Variants in PPFIA4 observed in about 807,000 individuals in gnomAD.
PPFIA4 encodes the protein liprin-alpha-4.
A neutral mutation model predicts 145.7 loss-of-function variants in PPFIA4; 98 were observed. The ratio of observed to expected loss-of-function variants is 0.67; its 90% confidence interval spans 0.57 to 0.80. The LOEUF is 0.80. Ranked by LOEUF, PPFIA4 falls within the 30% of genes least tolerant of loss-of-function variation. PPFIA4 has a pLI of 0.00. For missense variants in PPFIA4, 1,457 were observed against 1,632.7 expected (o/e 0.89, Z 1.85); for synonymous variants, 628 against 649.6 (o/e 0.97, Z 0.51).
chr1:203,056,717 C>T (rs879154074), intron 18 of PPFIA4, 67 bp from the exon 19 acceptor site: 2 of 1,395,734 alleles, frequency 1.4e-6, no homozygotes, highest in Non-Finnish European at 2.0e-6. Context: ...GTCTAACTTC[C>T]ATCTTTCCTG....
Position 203,043,345 on chromosome 1 carries a change from C to T in PPFIA4, c.235-52C>T. The T allele has an allele frequency of 6.7e-7, 1 of 1,498,422 alleles. No individual in the cohort carries two copies. The highest frequency in any genetic ancestry group is 9.1e-7 in the Non-Finnish European group (1 of 1,094,450). The allele number at this position is 1,498,422 out of a possible 1,614,324, so 92.8% of individuals were successfully genotyped here. On this transcript the variant is annotated intron_variant, in intron 2 of 29. Transcript: ENST00000295706. The surrounding 1 kb of genome is among the most constrained non-coding windows in gnomAD (Gnocchi z 4.4). Reference sequence around the variant, plus strand: ...CCACCACTGACTTGCATGTGCAGGACACTGCTTTGGGGGTGAATCCTGAAG... The same window carrying T: ...CCACCACTGACTTGCATGTGCAGGATACTGCTTTGGGGGTGAATCCTGAAG...
In PPFIA4 at chr1:203,055,356, C is replaced by A; in HGVS notation, c.1830-76C>A. ...CGCATGTGGTCCTTGGTGGCGAGTGCAGGCATCGACCCGCACTGCCTCCTG... is the reference window on the plus strand; with the variant it reads ...CGCATGTGGTCCTTGGTGGCGAGTGAAGGCATCGACCCGCACTGCCTCCTG... On this transcript the variant is annotated intron_variant, in intron 15 of 29. Coordinates refer to ENST00000295706, the MANE Select transcript of PPFIA4 (RefSeq NM_001304331.2). The surrounding 1 kb of genome is among the most constrained non-coding windows in gnomAD (Gnocchi z 4.8). 1 of 1,585,920 alleles carries A rather than the reference C, an allele frequency of 6.3e-7. No homozygotes were observed. The highest frequency in any genetic ancestry group is 2.3e-5 in the East Asian group (1 of 44,434).
chr1:203,053,255 G>A (rs967709329), intron 14 of PPFIA4, among the ~76,000 whole-genome samples: 1 of 149,348 alleles, frequency 6.7e-6, no homozygotes, highest in Non-Finnish European at 1.5e-5. Flanking sequence ...GGGGTCAGCC[G>A]GGCACGGTGG....
intron 28 of PPFIA4, among the ~76,000 whole-genome samples, chr1:203,073,993 G>C (rs1374238721): frequency 1.3e-5 from 2 of 152,170 alleles, no homozygotes; most frequent in African/African-American, 2.4e-5. Flanking sequence ...GCACTGCTCA[G>C]AGGTTGGTGA....
chr1:203,043,521 C>T lies in PPFIA4; in HGVS notation c.336+23C>T, dbSNP rs761619519. ...CGGGTAAGTGGGGATGACCTTGTGT[C>T]GCGCGCGCGCACGTGTGTGTGTGTG... On this transcript the variant is annotated intron_variant, in intron 3 of 29. Transcript: ENST00000295706. The surrounding 1 kb of genome is among the most constrained non-coding windows in gnomAD (Gnocchi z 4.4). The T allele has an allele frequency of 2.4e-5, 37 of 1,565,338 alleles. No homozygotes were observed. Among genetic ancestry groups the T allele is most frequent in the South Asian group, 1.9e-4 (17 of 87,302 alleles).
intron 5 of PPFIA4, 95 bp downstream of exon 5, chr1:203,044,548 C>T: frequency 7.0e-7 from 1 of 1,437,876 alleles, no homozygotes; most frequent in African/African-American, 1.4e-5. Flanking sequence ...TTTCTCCCTG[C>T]CATGGCTGGA....
Position 203,055,231 on chromosome 1 carries a change from C to T in PPFIA4, c.1830-201C>T, listed in dbSNP as rs1218335587. 6.6e-6 allele frequency among the ~76,000 whole-genome samples: 1 copy of T among 152,196 alleles called. No homozygotes were observed. The highest frequency in any genetic ancestry group is 1.5e-5 in the Non-Finnish European group (1 of 68,046). On this transcript the variant is annotated intron_variant, in intron 15 of 29. Transcript: ENST00000295706. This position sits in a 1 kb window ranked among gnomAD's most constrained non-coding sequence, Gnocchi z 4.8. ...CCACTGACGAAAGTGCCTCCTTCCC[C>T]AGCAGCTGCTTTTGTTAAACGGAGG... is the stretch of plus-strand genomic sequence containing the variant.
Position 203,051,783 on chromosome 1 carries a change from G to A in PPFIA4, c.1526G>A (p.Ser509Asn). ...DGVHSRSHMG[S>N]AADVRFSLGT... ...CACCGCTCAAGGTCGCACATGGGCAGTGCAGCAGACGTGCGGTTCTCCCTG... is the reference window on the plus strand; with the variant it reads ...CACCGCTCAAGGTCGCACATGGGCAATGCAGCAGACGTGCGGTTCTCCCTG... Residue 509 changes from serine to asparagine, a missense_variant, in exon 14 of 30, where the codon AGT (serine) becomes AAT (asparagine). Transcript: ENST00000295706. The A allele has an allele frequency of 6.2e-7, 1 of 1,613,108 alleles. No individual in the cohort carries two copies. Among genetic ancestry groups the A allele is most frequent in the East Asian group, 2.2e-5 (1 of 44,860 alleles).
chr1:203,037,627 C>T (rs766450122), intron 1 of PPFIA4, among the ~76,000 whole-genome samples: 3 of 152,206 alleles, frequency 2.0e-5, no homozygotes, highest in South Asian at 2.1e-4. Flanking sequence ...GTTACTTCAT[C>T]GCCGGCTTCC....
Position 203,048,336 on chromosome 1 carries a change from G to A in PPFIA4, c.1224+26G>A, listed in dbSNP as rs1660233949. The A allele has an allele frequency of 2.5e-6, 4 of 1,606,612 alleles. No homozygotes were observed. In the African/African-American group the frequency reaches 4.0e-5, roughly 16 times the overall value. ...GTGAGGGCACCAGGCCGGGCCCTCA[G>A]GCCCCCTCCTTCCCGCAGGACAGGC... On this transcript the variant is annotated intron_variant, in intron 10 of 29. Coordinates refer to ENST00000295706, the MANE Select transcript of PPFIA4 (RefSeq NM_001304331.2). This position sits in a 1 kb window ranked among gnomAD's most constrained non-coding sequence, Gnocchi z 5.8.
At position 203,048,374 on chromosome 1, in the gene PPFIA4, C is replaced by T; in HGVS notation, c.1224+64C>T. ...CCGCAGGACAGGCTCCCAGGGCGGTCTGTGGAAGGGGCACGGAGGAAGGGC... is the reference window on the plus strand; with the variant it reads ...CCGCAGGACAGGCTCCCAGGGCGGTTTGTGGAAGGGGCACGGAGGAAGGGC... On this transcript the variant is annotated intron_variant, in intron 10 of 29. Coordinates refer to ENST00000295706, the MANE Select transcript of PPFIA4 (RefSeq NM_001304331.2). The surrounding 1 kb of genome is among the most constrained non-coding windows in gnomAD (Gnocchi z 5.8). The T allele has an allele frequency of 1.3e-6, 2 of 1,567,336 alleles. No individual in the cohort carries two copies. The highest frequency in any genetic ancestry group is 1.2e-5 in the South Asian group (1 of 86,804).
chr1:203,063,660 AC>A, intron 24 of PPFIA4, 167 bp from the exon 25 acceptor site: 1 of 620,570 alleles, frequency 1.6e-6, no homozygotes, highest in South Asian at 2.0e-5. Context: ...CTCACCTCCC[AC>A]CACTACCAGC....
chr1:203,076,312 T>G (rs375693956), intron 29 of PPFIA4, 29 bp from the exon 30 acceptor site: 2 of 1,599,108 alleles, frequency 1.3e-6, no homozygotes, highest in African/African-American at 2.7e-5. Flanking sequence ...TGCCTCACAG[T>G]GCGATGCCTG....
intron 1 of PPFIA4, among the ~76,000 whole-genome samples, chr1:203,036,693 C>T (rs782802): frequency 0.35 from 52,932 of 152,036 alleles, 9,782 homozygotes; most frequent in South Asian, 0.44. Context: ...ATTGGAGGAA[C>T]GGCTGTTATC....
chr1:203,052,010 C>A, intron 14 of PPFIA4, 133 bp downstream of exon 14: 1 of 941,520 alleles, frequency 1.1e-6, no homozygotes, highest in Non-Finnish European at 1.5e-6. Context: ...AGCTGCAGCC[C>A]TGGGGTTGAG....
At position 203,060,827 on chromosome 1, in the gene PPFIA4, G is replaced by A; in HGVS notation, c.2785-143G>A. 2.8e-6 allele frequency: 2 copies of A among 727,128 alleles called. No individual in the cohort carries two copies. Among genetic ancestry groups the A allele is most frequent in the East Asian group, 5.0e-5 (2 of 40,390 alleles). 45.0% of individuals were successfully genotyped at this position (727,128 alleles called of 1,614,324 possible). ...GGCCCCTGGGGTGGAGTCTTTCATT[G>A]TCGGCCATCTCCATGATTGAGACCA... On this transcript the variant is annotated intron_variant, in intron 22 of 29. Coordinates refer to ENST00000295706, the MANE Select transcript of PPFIA4 (RefSeq NM_001304331.2). This position sits in a 1 kb window ranked among gnomAD's most constrained non-coding sequence, Gnocchi z 4.8.
intron 1 of PPFIA4, among the ~76,000 whole-genome samples, chr1:203,035,007 A>G (rs1246966094): frequency 6.6e-6 from 1 of 152,246 alleles, no homozygotes; most frequent in Non-Finnish European, 1.5e-5. Flanking sequence ...GAGGATTAAA[A>G]TAAATTAATC....
intron 2 of PPFIA4, among the ~76,000 whole-genome samples, chr1:203,042,587 C>T (rs757594032): frequency 7.2e-5 from 11 of 152,212 alleles, no homozygotes; most frequent in Non-Finnish European, 1.3e-4. Flanking sequence ...CTGGGGCACT[C>T]ATGCAGGCAT....
At position 203,048,578 on chromosome 1, in the gene PPFIA4, T is replaced by G. The variant is rs747308324; in HGVS notation, c.1225-5T>G. On this transcript the variant is annotated splice_region_variant and splice_polypyrimidine_tract_variant and intron_variant, in intron 10 of 29. Coordinates refer to ENST00000295706, the MANE Select transcript of PPFIA4 (RefSeq NM_001304331.2). The surrounding 1 kb of genome is among the most constrained non-coding windows in gnomAD (Gnocchi z 5.8). ...CGGCCTGGTGCGAGGCAGACGGCTG[T>G]GCAGGTGCGCCAGCGGGAAAAGATG... 2 of 1,575,526 alleles carry G rather than the reference T, an allele frequency of 1.3e-6. No homozygotes were observed. The highest frequency in any genetic ancestry group is 1.4e-5 in the African/African-American group (1 of 74,056).
Sources: gnomAD v4.1 joint callset for allele counts (sites outside exome capture counted in the v4.1 genomes callset) on GRCh38, gnomAD v4.1.1 for gene constraint, Gnocchi (gnomAD v3.1) non-coding constraint, MANE v1.5 for transcripts, NCBI Gene and HGNC (gene_info 2026-07-23, HGNC 2026-07-21) for gene names.